Variants in TTC28 observed in about 807,000 individuals in gnomAD.
TTC28 encodes the protein tetratricopeptide repeat protein 28.
In TTC28, 61 loss-of-function variants were observed where a neutral mutation model predicts 198.0. The ratio of observed to expected loss-of-function variants is 0.31; its 90% confidence interval spans 0.25 to 0.38. TTC28 has a LOEUF of 0.38. TTC28 is among the 10% of genes least tolerant of loss of function. The probability of loss-of-function intolerance (pLI) is 1.00; values close to 1 mark genes in which losing one functional copy is unlikely to be tolerated. For synonymous variants in TTC28, 1,171 were observed against 1,297.8 expected, an observed-to-expected ratio of 0.90 and a Z score of 2.10; for missense variants, 2,678 against 3,164.0, an observed-to-expected ratio of 0.85 and a Z score of 3.69.
intron 1 of TTC28, among the ~76,000 whole-genome samples, chr22:28,646,865 AGAAAGAAAG>A (rs200179319): frequency 0.015 from 2,251 of 152,336 alleles, 96 homozygotes; most frequent in Admixed American, 0.098. Context: ...CTCTGTCGAA[AGAAAGAAAG>A]GAAAGAATGG....
At chr22:28,098,873 C>G in intron 10 of TTC28, 42 bp downstream of exon 10, 1 of 1,547,800 alleles carries the variant, frequency 6.5e-7, no homozygotes, top group Non-Finnish European at 8.7e-7. Flanking sequence ...CCCGTGCGCA[C>G]TAGTGCACAC....
In TTC28 at chr22:28,132,091, G is replaced by C. The variant is rs550358210; in HGVS notation, c.1442-23688C>G. On this transcript the variant is annotated intron_variant, in intron 6 of 22. Coordinates refer to ENST00000397906, the MANE Select transcript of TTC28 (RefSeq NM_001145418.2). Reference sequence around the variant, plus strand: ...TTATACTCTAAGAAAAAAGAAAAATGCTCAGCTATCTGCAATAAAAAGAGA... The same window carrying C: ...TTATACTCTAAGAAAAAAGAAAAATCCTCAGCTATCTGCAATAAAAAGAGA... 4.6e-5 allele frequency among the ~76,000 whole-genome samples: 7 copies of C among 152,182 alleles called. No homozygotes were observed. In the South Asian group the frequency reaches 1.5e-3, roughly 32 times the overall value.
intron 1 of TTC28, among the ~76,000 whole-genome samples, chr22:28,652,175 A>G (rs2051575283): frequency 6.6e-6 from 1 of 152,214 alleles, no homozygotes; most frequent in Admixed American, 6.5e-5. Context: ...ATTATATTCC[A>G]TGCATCAATA....
chr22:28,176,877 C>T (rs1307971591), intron 5 of TTC28, among the ~76,000 whole-genome samples: 1 of 152,066 alleles, frequency 6.6e-6, no homozygotes, highest in Non-Finnish European at 1.5e-5. Context: ...AGACACAGAC[C>T]TTACACATTT....
Position 28,565,839 on chromosome 22 carries a change from G to A in TTC28, c.381+63713C>T, listed in dbSNP as rs1361836514. Reference sequence around the variant, plus strand: ...ACATCTGCCATTATGTCTCCAGTTAGGGGGCTGGGACAAACACTACTTTGG... The same window carrying A: ...ACATCTGCCATTATGTCTCCAGTTAAGGGGCTGGGACAAACACTACTTTGG... On this transcript the variant is annotated intron_variant, in intron 2 of 22. Transcript: ENST00000397906. 3.3e-5 allele frequency among the ~76,000 whole-genome samples: 5 copies of A among 152,096 alleles called. No individual in the cohort carries two copies. The South Asian group carries it at 1.0e-3, about 32-fold the overall frequency.
At chr22:28,331,301 T>A (rs569990404) in intron 2 of TTC28, among the ~76,000 whole-genome samples, 3 of 152,234 alleles carry the variant, frequency 2.0e-5, no homozygotes, top group East Asian at 3.9e-4. Context: ...TCCTAGAATA[T>A]GCAGTTTCCT....
chr22:28,207,477 C>A (rs1926526706), intron 5 of TTC28, among the ~76,000 whole-genome samples: 1 of 152,018 alleles, frequency 6.6e-6, no homozygotes, highest in Admixed American at 6.6e-5. Flanking sequence ...TATGAATGAC[C>A]TCAGACAAGT....
intron 2 of TTC28, among the ~76,000 whole-genome samples, chr22:28,422,441 A>ATTTTTTTTTTTTTTTTTT (rs766933774): frequency 1.4e-5 from 2 of 144,710 alleles, no homozygotes; most frequent in Non-Finnish European, 3.1e-5. Flanking sequence ...ACATTAAATA[A>ATTTTTTTTTTTTTTTTTT]TTTTTTTTTT....
chr22:27,997,674 T>C (rs1227384648), intron 16 of TTC28: 1 of 152,214 alleles, frequency 6.6e-6, no homozygotes, highest in African/African-American at 2.4e-5. Context: ...CTCTAGATTT[T>C]TGTAACACCC....
chr22:28,032,250 A>AATATATATATATAAAAT (rs1939152902), intron 12 of TTC28, among the ~76,000 whole-genome samples: 4 of 90,042 alleles, frequency 4.4e-5, no homozygotes, highest in South Asian at 8.5e-4. Context: ...ATATATATAA[A>AATATATATATATAAAAT]ATATATATAT....
chr22:28,628,670 G>A (rs1377031073), intron 2 of TTC28, among the ~76,000 whole-genome samples: 1 of 152,132 alleles, frequency 6.6e-6, no homozygotes, highest in Admixed American at 6.6e-5. Flanking sequence ...GCTGGGCAAG[G>A]TGGCTCACAC....
At chr22:28,591,119 T>C (rs2050429086) in intron 2 of TTC28, among the ~76,000 whole-genome samples, 2 of 143,202 alleles carry the variant, frequency 1.4e-5, no homozygotes, top group East Asian at 2.1e-4. Context: ...GGAATTATTT[T>C]TTATTTGGAG....
chr22:28,177,700 A>T (rs1923298227), intron 5 of TTC28, among the ~76,000 whole-genome samples: 1 of 152,248 alleles, frequency 6.6e-6, no homozygotes, highest in Admixed American at 6.5e-5. Context: ...TCAAGCTGTG[A>T]AAAGACATGA....
At chr22:28,179,413 G>A (rs186556032) in intron 5 of TTC28, among the ~76,000 whole-genome samples, 6 of 152,176 alleles carry the variant, frequency 3.9e-5, no homozygotes, top group East Asian at 3.9e-4. Context: ...GCCCTCCTCG[G>A]CCTCCCAAAG....
intron 2 of TTC28, among the ~76,000 whole-genome samples, chr22:28,566,876 G>A (rs2049977254): frequency 6.6e-6 from 1 of 152,078 alleles, no homozygotes; most frequent in East Asian, 1.9e-4. Context: ...TTGAGCCCAG[G>A]AGTTCGAGAC....
intron 5 of TTC28, among the ~76,000 whole-genome samples, chr22:28,199,845 GA>G (rs1239880993): frequency 6.6e-6 from 1 of 151,980 alleles, no homozygotes; most frequent in African/African-American, 2.4e-5. Context: ...AAAAATGGGA[GA>G]GGGGCAAAGG....
In TTC28 at chr22:28,096,417, CAA is replaced by C. The variant is rs1569136340; in HGVS notation, c.3548-11_3548-10del. 3.9e-6 allele frequency: 6 copies of C among 1,550,608 alleles called. No individual in the cohort carries two copies. In the East Asian group the frequency reaches 1.2e-4, roughly 32 times the overall value. On this transcript the variant is annotated splice_polypyrimidine_tract_variant and intron_variant, in intron 10 of 22. Coordinates refer to ENST00000397906, the MANE Select transcript of TTC28 (RefSeq NM_001145418.2). ...GGCTTCATCATGATGGCCTAGGAGACAAAGAGATATGCCGAGGAGTCCATAGT... is the reference window on the plus strand; with the variant it reads ...GGCTTCATCATGATGGCCTAGGAGACAGAGATATGCCGAGGAGTCCATAGT...
chr22:28,534,051 T>C (rs976072222), intron 2 of TTC28, among the ~76,000 whole-genome samples: 4 of 152,116 alleles, frequency 2.6e-5, no homozygotes, highest in African/African-American at 9.7e-5. Context: ...AAAGCCAAAA[T>C]TGACAAATGG....
At chr22:27,991,209 C>G (rs748490989) in intron 19 of TTC28, among the ~76,000 whole-genome samples, 1 of 152,250 alleles carries the variant, frequency 6.6e-6, no homozygotes, top group Non-Finnish European at 1.5e-5. Context: ...TAGGGCCCAA[C>G]AGCGTATCAG....
Sources: allele counts gnomAD v4.1 joint callset (sites outside exome capture counted in the v4.1 genomes callset), GRCh38; gene constraint gnomAD v4.1.1; transcripts MANE v1.5; gene names NCBI Gene and HGNC (gene_info 2026-07-23, HGNC 2026-07-21).